The following NKAIN3 variants were observed in gnomAD, a reference collection of about 807,000 sequenced individuals.
NKAIN3 encodes sodium/potassium-transporting ATPase subunit beta-1-interacting protein 3.
Under a neutral mutation model 30.2 loss-of-function variants are expected in NKAIN3, and 25 were observed. That is an observed-to-expected ratio of 0.83 (90% confidence interval 0.60 to 1.16). The LOEUF is 1.16. Among genes scored for constraint, NKAIN3 ranks in the 50% most tolerant of loss-of-function variants. The pLI is 0.00. For synonymous variants in NKAIN3, 91 were observed against 89.6 expected (o/e 1.02, Z -0.09); for missense variants, 225 against 254.1 (o/e 0.89, Z 0.78).
intron 3 of NKAIN3, among the ~76,000 whole-genome samples, chr8:62,699,527 C>T (rs1216017359): frequency 1.3e-5 from 2 of 152,320 alleles, no homozygotes; most frequent in African/African-American, 2.4e-5. Flanking sequence ...TAAATATCTG[C>T]TTCTCTTCCA....
intron 1 of NKAIN3, among the ~76,000 whole-genome samples, chr8:62,325,490 A>G (rs541193751): frequency 9.9e-5 from 15 of 152,194 alleles, no homozygotes; most frequent in Middle Eastern, 3.4e-3. Flanking sequence ...TCCTTTAGGT[A>G]GATACCTAGC....
At chr8:62,665,783 G>A (rs920635839) in intron 3 of NKAIN3, among the ~76,000 whole-genome samples, 6 of 152,156 alleles carry the variant, frequency 3.9e-5, no homozygotes, top group Admixed American at 2.6e-4. Flanking sequence ...TGATGCAAAG[G>A]TGTCTATGTG....
chr8:62,814,118 A>G (rs1322163791), intron 4 of NKAIN3, among the ~76,000 whole-genome samples: 1 of 151,966 alleles, frequency 6.6e-6, no homozygotes. Context: ...TGATTCTGAG[A>G]GAACTTCTTT....
intron 3 of NKAIN3, among the ~76,000 whole-genome samples, chr8:62,699,701 C>G (rs569940184): frequency 6.6e-6 from 1 of 152,234 alleles, no homozygotes; most frequent in Non-Finnish European, 1.5e-5. Context: ...TATTAACATT[C>G]CTGGAGTTAT....
chr8:62,477,768 T>C (rs1476772164), intron 1 of NKAIN3, among the ~76,000 whole-genome samples: 2 of 152,064 alleles, frequency 1.3e-5, no homozygotes, highest in Non-Finnish European at 2.9e-5. Context: ...AAGAACCCTG[T>C]GGGCACAGGC....
At chr8:62,368,343 C>T (rs992195065) in intron 1 of NKAIN3, among the ~76,000 whole-genome samples, 7 of 152,060 alleles carry the variant, frequency 4.6e-5, no homozygotes, top group Non-Finnish European at 1.0e-4. Flanking sequence ...AATGGTATTT[C>T]ACAATAACAT....
At chr8:62,504,065 G>C (rs894539658) in intron 1 of NKAIN3, among the ~76,000 whole-genome samples, 2 of 152,182 alleles carry the variant, frequency 1.3e-5, no homozygotes, top group African/African-American at 4.8e-5. Flanking sequence ...GGCGCCAGCC[G>C]GTCCCTCCAT....
intron 1 of NKAIN3, among the ~76,000 whole-genome samples, chr8:62,278,988 C>T (rs1409891894): frequency 1.3e-5 from 2 of 152,172 alleles, no homozygotes; most frequent in Non-Finnish European, 2.9e-5. Context: ...AGTTTACAGT[C>T]CCACCAACAG....
chr8:62,341,533 C>A (rs1026688714), intron 1 of NKAIN3, among the ~76,000 whole-genome samples: 1 of 151,962 alleles, frequency 6.6e-6, no homozygotes, highest in African/African-American at 2.4e-5. Context: ...GCATCAAAAG[C>A]AATTTACTTG....
intron 1 of NKAIN3, among the ~76,000 whole-genome samples, chr8:62,337,286 T>A (rs2129590557): frequency 6.6e-6 from 1 of 152,164 alleles, no homozygotes; most frequent in South Asian, 2.1e-4. Flanking sequence ...CCTTACTGGA[T>A]ATTTTGCCCG....
rs1373653029 is a variant in NKAIN3 at position 62,860,125 on chromosome 8, C to T, written c.472-58328C>T. Among the ~76,000 whole-genome samples, 9 of 152,208 alleles carry T rather than the reference C, an allele frequency of 5.9e-5. No individual in the cohort carries two copies. In the South Asian group the frequency reaches 1.7e-3, roughly 28 times the overall value. ...CTTGACCAATCTGCTTAAATGCTGA[C>T]TGTAGAGTAGCGACCTGAAACAATA... On this transcript the variant is annotated intron_variant, in intron 4 of 6. Transcript: ENST00000623646.
chr8:62,328,192 G>T (rs972747576), intron 1 of NKAIN3, among the ~76,000 whole-genome samples: 7 of 152,072 alleles, frequency 4.6e-5, no homozygotes, highest in African/African-American at 1.7e-4. Flanking sequence ...GGAAAACAAT[G>T]CCAGTGCACA....
chr8:62,784,589 C>T (rs1817458233), intron 4 of NKAIN3, among the ~76,000 whole-genome samples: 1 of 151,844 alleles, frequency 6.6e-6, no homozygotes. Flanking sequence ...TTTGAATGTA[C>T]TGAAAAAGAG....
At position 62,289,339 on chromosome 8, in the gene NKAIN3, T is replaced by A. The variant is rs1250437535; in HGVS notation, c.54+40212T>A. ...GCCCATGCCTATGTCCTGAATGGTA[T>A]TGCCTAGGTTTTCTTCTAGGGTTTT... On this transcript the variant is annotated intron_variant, in intron 1 of 6. Transcript: ENST00000623646. Among the ~76,000 whole-genome samples, 5 of 152,166 alleles carry A rather than the reference T, an allele frequency of 3.3e-5. No homozygotes were observed. The East Asian group carries it at 7.7e-4, about 23-fold the overall frequency.
intron 1 of NKAIN3, among the ~76,000 whole-genome samples, chr8:62,354,597 C>G (rs2129591993): frequency 6.6e-6 from 1 of 152,156 alleles, no homozygotes; most frequent in East Asian, 1.9e-4. Flanking sequence ...GCATGTGCCA[C>G]TGTGCCCGGC....
intron 1 of NKAIN3, among the ~76,000 whole-genome samples, chr8:62,490,214 C>A (rs1017707426): frequency 3.3e-5 from 5 of 152,082 alleles, no homozygotes; most frequent in Admixed American, 1.3e-4. Flanking sequence ...TTTAATGTGG[C>A]CAAGCCTGAT....
chr8:62,324,578 G>A (rs1028657587), intron 1 of NKAIN3, among the ~76,000 whole-genome samples: 1 of 152,052 alleles, frequency 6.6e-6, no homozygotes, highest in African/African-American at 2.4e-5. Context: ...TGCATATTTT[G>A]TCAGGAAATA....
At chr8:62,477,186 G>C (rs978503781) in intron 1 of NKAIN3, among the ~76,000 whole-genome samples, 2 of 152,162 alleles carry the variant, frequency 1.3e-5, no homozygotes, top group African/African-American at 4.8e-5. Flanking sequence ...TGAGCCAGGT[G>C]GGAGTGCAGG....
intron 3 of NKAIN3, among the ~76,000 whole-genome samples, chr8:62,630,145 G>A (rs1227356097): frequency 6.6e-6 from 1 of 151,886 alleles, no homozygotes; most frequent in Non-Finnish European, 1.5e-5. Context: ...ATTTATCATA[G>A]GTATGTGTGT....
Sources: allele counts gnomAD v4.1 joint callset (sites outside exome capture counted in the v4.1 genomes callset), GRCh38; gene constraint gnomAD v4.1.1; transcripts MANE v1.5; gene names NCBI Gene and HGNC (gene_info 2026-07-23, HGNC 2026-07-21).